FHAD1: variants seen among roughly 807,000 people sequenced by gnomAD.
FHAD1 encodes forkhead associated phosphopeptide binding domain 1, also known as forkhead-associated domain-containing protein 1.
Under a neutral mutation model 191.3 loss-of-function variants are expected in FHAD1, and 146 were observed. The observed-to-expected ratio is 0.76, with a 90% CI of 0.67 to 0.88. The LOEUF is 0.88. FHAD1 is among the 40% of genes least tolerant of loss of function. The probability of loss-of-function intolerance (pLI) is 0.00; values close to 1 mark genes in which losing one functional copy is unlikely to be tolerated. For synonymous variants in FHAD1, 616 were observed against 672.3 expected, an observed-to-expected ratio of 0.92 and a Z score of 1.29; for missense variants, 1,635 against 1,785.8, an observed-to-expected ratio of 0.92 and a Z score of 1.52.
chr1:15,296,892 C>A (rs1667168076), intron 5 of FHAD1, 99 bp downstream of exon 5: 1 of 927,632 alleles, frequency 1.1e-6, no homozygotes, highest in Non-Finnish European at 1.6e-6. Flanking sequence ...GTGCCCTTAT[C>A]CTGCTTCCAA....
intron 19 of FHAD1, among the ~76,000 whole-genome samples, chr1:15,351,517 C>T (rs1003661869): frequency 6.6e-6 from 1 of 152,146 alleles, no homozygotes; most frequent in Non-Finnish European, 1.5e-5. Context: ...TGTCTTTATA[C>T]TGCCTCGGTT....
At position 15,324,556 on chromosome 1, in the gene FHAD1, T is replaced by A. The variant is rs1268287255; in HGVS notation, c.1470T>A (p.Gly490=). The change falls in exon 11 of 34, where the codon GGT becomes GGA. Residue 490 remains glycine, a synonymous_variant. Transcript: ENST00000688493. ...VIKINLERAV[G]QLEHFRSQVI... ...AAATCAATTTGGAGAGGGCAGTAGG[T>A]CAGGTAGGCATGTTCCAGAGCCCCC... The A allele has an allele frequency of 6.5e-7, 1 of 1,549,196 alleles. No homozygotes were observed. Among genetic ancestry groups the A allele is most frequent in the African/African-American group, 1.4e-5 (1 of 72,876 alleles).
At chr1:15,383,991 C>G in intron 31 of FHAD1, 1 of 330,906 alleles carries the variant, frequency 3.0e-6, no homozygotes, top group Non-Finnish European at 6.1e-6. Flanking sequence ...TGTGTGTGTA[C>G]ATTCTCATGT....
chr1:15,358,227 C>A lies in FHAD1; in HGVS notation c.2680C>A (p.Leu894Ile). 2 of 1,540,886 alleles carry A rather than the reference C, an allele frequency of 1.3e-6. No individual in the cohort carries two copies. Among genetic ancestry groups the A allele is most frequent in the Non-Finnish European group, 8.7e-7 (1 of 1,144,634 alleles). ...AACTGAAAGTCTAAAAGCAGAGAGC[C>A]TCGCCTTGAAATTAAATGAAACATT... ...KATESLKAES[L>I]ALKLNETLAE... Residue 894 changes from leucine to isoleucine, a missense_variant, in exon 21 of 34, where the codon CTC (leucine) becomes ATC (isoleucine). By Grantham distance (5) the Leu-to-Ile change is conservative. Coordinates refer to ENST00000688493, the MANE Select transcript of FHAD1 (RefSeq NM_001391957.1).
rs1700899909 is a variant in FHAD1, at chr1:15,381,523, G to A, written c.4022+72G>A. On this transcript the variant is annotated intron_variant, in intron 30 of 33. Transcript: ENST00000688493. This position sits in a 1 kb window ranked among gnomAD's most constrained non-coding sequence, Gnocchi z 4.6. ...TCTCCTGGCTAAACTCAGGCTAGCAGCAGACCTCTAGGCCTGGGACAGGAG... is the reference window on the plus strand; with the variant it reads ...TCTCCTGGCTAAACTCAGGCTAGCAACAGACCTCTAGGCCTGGGACAGGAG... 6.6e-6 allele frequency: 8 copies of A among 1,211,142 alleles called. No homozygotes were observed. Among genetic ancestry groups the A allele is most frequent in the Admixed American group, 2.0e-5 (1 of 49,364 alleles). The allele number at this position is 1,211,142 out of a possible 1,614,324, so 75.0% of individuals were successfully genotyped here. A position where few individuals can be genotyped will look rare whatever the true frequency, so the allele number is the denominator to read the frequency against.
In FHAD1 at chr1:15,360,437, A is replaced by G. The variant is rs570327323; in HGVS notation, c.2737-41A>G. 266 of 1,525,310 alleles carry G rather than the reference A, an allele frequency of 1.7e-4. 6 individuals are homozygous for G. In the Admixed American group the frequency reaches 5.1e-3, roughly 29 times the overall value. The allele number at this position is 1,525,310 out of a possible 1,614,324, so 94.5% of individuals were successfully genotyped here. A position where few individuals can be genotyped will look rare whatever the true frequency, so the allele number is the denominator to read the frequency against. ...GGGCATATTATTGTTGCCGTCATAC[A>G]CAGCTCCCAAGACCTCACTGAGTGA... On this transcript the variant is annotated intron_variant, in intron 21 of 33. Transcript: ENST00000688493.
At chr1:15,401,033 T>A (rs956589042), downstream of FHAD1, among the ~76,000 whole-genome samples, 1 of 152,240 alleles carries the variant, frequency 6.6e-6, no homozygotes, top group Non-Finnish European at 1.5e-5. Flanking sequence ...AATGACTTTC[T>A]GATTCCCAGT....
rs1157784095 is a variant in FHAD1, at chr1:15,329,493, G to A, written c.1858G>A (p.Glu620Lys). 1.3e-6 allele frequency: 2 copies of A among 1,551,044 alleles called. No individual in the cohort carries two copies. The highest frequency in any genetic ancestry group is 1.7e-6 in the Non-Finnish European group (2 of 1,146,962). ...RHALSWLEEV[E>K]QLLRDLGILP... Reference sequence around the variant, plus strand: ...CGCGCTGTCCTGGCTGGAGGAGGTGGAGCAGCTCCTCCGGGACCTCGGGAT... The same window carrying A: ...CGCGCTGTCCTGGCTGGAGGAGGTGAAGCAGCTCCTCCGGGACCTCGGGAT... The change falls in exon 14 of 34, where the codon GAG (glutamate) becomes AAG (lysine). Residue 620 changes from glutamate to lysine, a missense_variant. Glu to Lys is a moderately conservative substitution (Grantham distance 56). Transcript: ENST00000688493. This position sits in a 1 kb window ranked among gnomAD's most constrained non-coding sequence, Gnocchi z 5.0.
rs773593901 is a variant in FHAD1, at chr1:15,272,358, A to G, written c.129A>G (p.Glu43=). ...PDIDNHHALI[E]YNEAECSFVL... is the part of the protein sequence containing the mutation. ...TCGACAACCACCATGCACTCATTGA[A>G]TATAACGAGGCGGAGTGCAGCTTTG... Residue 43 remains glutamate (E), a synonymous_variant, in exon 3 of 34, where the codon GAA becomes GAG. Transcript: ENST00000688493. The G allele has an allele frequency of 3.9e-5, 60 of 1,551,610 alleles. No individual in the cohort carries two copies. In the South Asian group the frequency reaches 6.9e-4, roughly 18 times the overall value.
In FHAD1 at chr1:15,328,390, G is replaced by C. The variant is rs367597523; in HGVS notation, c.1671G>C (p.Glu557Asp). 1.9e-6 allele frequency: 3 copies of C among 1,545,234 alleles called. No homozygotes were observed. The highest frequency in any genetic ancestry group is 1.4e-5 in the African/African-American group (1 of 72,262). ...LSNSKQEETTENIEKLRTSLD... is the reference protein window; with the variant it reads ...LSNSKQEETTDNIEKLRTSLD... ...ACTCCAAGCAGGAGGAGACCACCGA[G>C]AACATCGAGAAGCTGAGGACGTCGC... The change falls in exon 13 of 34, where the codon GAG becomes GAC. Residue 557 changes from glutamate (E) to aspartate (D), a missense_variant. Transcript: ENST00000688493.
chr1:15,324,496 G>A lies in FHAD1; in HGVS notation c.1410G>A (p.Gln470=), dbSNP rs1390805989. The A allele has an allele frequency of 5.2e-6, 8 of 1,552,152 alleles. No individual in the cohort carries two copies. The highest frequency in any genetic ancestry group is 1.4e-5 in the African/African-American group (1 of 73,028). ...AGGATTCCAGAAGGAAATTGCTTCA[G>A]CTGCAAGAAATGGGGAACAGAGAGA... ...LQEDSRRKLL[Q]LQEMGNRESV... Residue 470 remains glutamine, a synonymous_variant, in exon 11 of 34, where the codon CAG becomes CAA. Transcript: ENST00000688493.
At position 15,329,591 on chromosome 1, in the gene FHAD1, G is replaced by T; in HGVS notation, c.1906+50G>T. The T allele has an allele frequency of 6.6e-7, 1 of 1,505,884 alleles. No homozygotes were observed. Among genetic ancestry groups the T allele is most frequent in the Non-Finnish European group, 9.0e-7 (1 of 1,107,118 alleles). The allele number at this position is 1,505,884 out of a possible 1,614,324, so 93.3% of individuals were successfully genotyped here. On this transcript the variant is annotated intron_variant, in intron 14 of 33. Transcript: ENST00000688493. The surrounding 1 kb of genome is among the most constrained non-coding windows in gnomAD (Gnocchi z 5.0). ...TGGTTGCATGACTCTAAAATGTCGC[G>T]TTGAATCTCAGCATGATGGGACATC...
intron 20 of FHAD1, among the ~76,000 whole-genome samples, chr1:15,353,732 GAAAA>G (rs60543047): frequency 2.1e-3 from 245 of 116,706 alleles, no homozygotes; most frequent in African/African-American, 7.5e-3. Context: ...AAAAAGAAAA[GAAAA>G]AAAAAAAAAG....
At chr1:15,249,808 T>A (rs1044849904) in intron 1 of FHAD1, among the ~76,000 whole-genome samples, 21 of 150,878 alleles carry the variant, frequency 1.4e-4, no homozygotes, top group African/African-American at 4.9e-4. Context: ...CCCCATCCCA[T>A]CCCCTCCCCA....
At chr1:15,277,205 A>C (rs1658713298) in intron 3 of FHAD1, among the ~76,000 whole-genome samples, 1 of 152,192 alleles carries the variant, frequency 6.6e-6, no homozygotes, top group Admixed American at 6.6e-5. Context: ...TTCTGGATGC[A>C]GTCCTTCGAC....
At chr1:15,263,510 CTTT>C (rs771788861) in intron 2 of FHAD1, among the ~76,000 whole-genome samples, 14 of 75,056 alleles carry the variant, frequency 1.9e-4, no homozygotes, top group African/African-American at 6.3e-4. Context: ...CAGTTTTATT[CTTT>C]TTTTTTTTTT....
chr1:15,260,012 C>G (rs757577228), intron 2 of FHAD1, among the ~76,000 whole-genome samples: 1 of 152,066 alleles, frequency 6.6e-6, no homozygotes, highest in African/African-American at 2.4e-5. Flanking sequence ...CTAGGCTAAG[C>G]GTTTCATGTT....
rs959692341 is a variant in FHAD1, at chr1:15,272,380, T to A, written c.151T>A (p.Phe51Ile). 1.3e-6 allele frequency: 2 copies of A among 1,551,628 alleles called. No homozygotes were observed. Among genetic ancestry groups the A allele is most frequent in the African/African-American group, 1.4e-5 (1 of 73,058 alleles). The change falls in exon 3 of 34, where the codon TTT (phenylalanine) becomes ATT (isoleucine). Residue 51 changes from phenylalanine to isoleucine, a missense_variant. Physicochemically the swap from Phe to Ile is conservative, Grantham distance 21. Transcript: ENST00000688493. ...TGAATATAACGAGGCGGAGTGCAGC[T>A]TTGTTCTCCAGGACTTCAATTCCCG... ...LIEYNEAECS[F>I]VLQDFNSRNG...
In FHAD1 at chr1:15,366,719, C is replaced by T. The variant is rs72866740; in HGVS notation, c.3155-744C>T. Among the ~76,000 whole-genome samples the T allele has an allele frequency of 2.4e-3, 368 of 152,290 alleles. 1 individual carries two copies. The highest frequency in any genetic ancestry group is 8.2e-3 in the African/African-American group (342 of 41,562). On this transcript the variant is annotated intron_variant, in intron 24 of 33. Transcript: ENST00000688493. ...CTACGGTTGACATGGACATGAGTGG[C>T]CCCTAGAGTAGGGGCAAAATAACTG...
Sources: allele counts gnomAD v4.1 joint callset (sites outside exome capture counted in the v4.1 genomes callset), GRCh38; gene constraint gnomAD v4.1.1; non-coding constraint Gnocchi (gnomAD v3.1); transcripts MANE v1.5; gene names NCBI Gene and HGNC (gene_info 2026-07-23, HGNC 2026-07-21).